Variants in NSMAF observed in about 807,000 individuals in gnomAD.
NSMAF encodes neutral sphingomyelinase activation associated factor, also known as protein FAN.
NSMAF carries 90 observed loss-of-function variants against 134.9 expected under a neutral mutation model. That is an observed-to-expected ratio of 0.67 (90% confidence interval 0.56 to 0.79). The LOEUF is 0.79. Among genes scored for constraint, NSMAF ranks in the 30% least tolerant of loss-of-function variants. The pLI, the probability that NSMAF is intolerant of heterozygous loss-of-function variation, is 0.00. For synonymous variants in NSMAF, 358 were observed against 389.6 expected, an observed-to-expected ratio of 0.92 and a Z score of 0.96; for missense variants, 1,010 against 1,119.0, an observed-to-expected ratio of 0.90 and a Z score of 1.39.
chr8:58,600,279 C>T (rs1002379434), intron 16 of NSMAF: 4 of 442,192 alleles, frequency 9.0e-6, no homozygotes, highest in African/African-American at 4.0e-5. Flanking sequence ...CTACCATATA[C>T]ACATTGCCTC....
intron 19 of NSMAF, among the ~76,000 whole-genome samples, chr8:58,598,812 C>G (rs1806202721): frequency 6.6e-6 from 1 of 150,984 alleles, no homozygotes; most frequent in Non-Finnish European, 1.5e-5. Flanking sequence ...CACCTGAGGT[C>G]AGGAGTTTGA....
chr8:58,602,905 G>A (rs1289611008), intron 13 of NSMAF, among the ~76,000 whole-genome samples: 3 of 152,128 alleles, frequency 2.0e-5, no homozygotes, highest in Non-Finnish European at 2.9e-5. Context: ...AAAGTGAGAA[G>A]CAAATATTTC....
intron 1 of NSMAF, among the ~76,000 whole-genome samples, chr8:58,651,011 A>G (rs974736390): frequency 2.6e-5 from 4 of 151,992 alleles, no homozygotes; most frequent in African/African-American, 7.3e-5. Context: ...GTTCTCTGGG[A>G]TTTTTTCCTG....
At chr8:58,595,494 C>T in intron 22 of NSMAF, 66 bp downstream of exon 22, 2 of 1,115,728 alleles carry the variant, frequency 1.8e-6, no homozygotes, top group East Asian at 2.4e-5. Context: ...ACAGTTTAAT[C>T]CCATGCCAAG....
At chr8:58,639,279 G>A (rs1011528712) in intron 2 of NSMAF, among the ~76,000 whole-genome samples, 8 of 143,624 alleles carry the variant, frequency 5.6e-5, no homozygotes, top group East Asian at 4.0e-4. Flanking sequence ...GTGAGACTCC[G>A]TCTCAATAAA....
chr8:58,600,322 C>T (rs1806250029), intron 16 of NSMAF: 2 of 337,378 alleles, frequency 5.9e-6, no homozygotes, highest in Admixed American at 4.6e-5. Flanking sequence ...GGTGCCTCCA[C>T]ACTGAAAGAT....
chr8:58,659,096 T>C (rs1807791297), intron 1 of NSMAF: 2 of 785,012 alleles, frequency 2.5e-6, no homozygotes, highest in Non-Finnish European at 3.5e-6. Flanking sequence ...GCCTGCTCGG[T>C]GCCGCCCGGC....
chr8:58,602,330 C>A (rs1806303633), intron 13 of NSMAF, among the ~76,000 whole-genome samples, 193 bp from the exon 14 acceptor site: 1 of 152,126 alleles, frequency 6.6e-6, no homozygotes, highest in Admixed American at 6.5e-5. Context: ...AAGTTAGACA[C>A]AACCACTTAA....
intron 1 of NSMAF, among the ~76,000 whole-genome samples, chr8:58,644,878 G>A (rs1807409903): frequency 1.3e-5 from 2 of 152,030 alleles, no homozygotes; most frequent in Admixed American, 1.3e-4. Flanking sequence ...ACCAAGCACC[G>A]CCATGTTCTC....
At position 58,589,917 on chromosome 8, in the gene NSMAF, C is replaced by A. The variant is rs1805983459; in HGVS notation, c.2087+90G>T. 4 of 1,052,916 alleles carry A rather than the reference C, an allele frequency of 3.8e-6. No homozygotes were observed. In the South Asian group the frequency reaches 4.1e-5, roughly 11 times the overall value. The allele number at this position is 1,052,916 out of a possible 1,614,324, so 65.2% of individuals were successfully genotyped here. A position where few individuals can be genotyped will look rare whatever the true frequency, so the allele number is the denominator to read the frequency against. On this transcript the variant is annotated intron_variant, in intron 25 of 30. Coordinates refer to ENST00000038176, the MANE Select transcript of NSMAF (RefSeq NM_003580.4). ...TTTAGAAAACAGTGCTGTGTCCTGG[C>A]AGGGAAAGCTTCTGGCTTTTCACAC... is the stretch of plus-strand genomic sequence containing the variant.
At chr8:58,626,257 G>A (rs967749743) in intron 6 of NSMAF, among the ~76,000 whole-genome samples, 10 of 147,556 alleles carry the variant, frequency 6.8e-5, no homozygotes, top group Non-Finnish European at 9.0e-5. Context: ...TGCCTCGCCC[G>A]GCTAATTTTT....
chr8:58,605,997 G>A lies in NSMAF; in HGVS notation c.798C>T (p.Ser266=), dbSNP rs182512606. 24 of 1,594,410 alleles carry A rather than the reference G, an allele frequency of 1.5e-5. No individual in the cohort carries two copies. Among genetic ancestry groups the A allele is most frequent in the African/African-American group, 5.4e-5 (4 of 73,656 alleles). The change falls in exon 12 of 31, where the codon TCC becomes TCT. Residue 266 remains serine (S), a synonymous_variant. Coordinates refer to ENST00000038176, the MANE Select transcript of NSMAF (RefSeq NM_003580.4). ...EVFCTEDDLC[S]DIYLKFYEPQ... is the part of the protein sequence containing the mutation. ...GTTCATAGAACTTTAGGTAGATGTCGGAACACAGATCATCTTCTGTGCAAA... is the reference window on the plus strand; with the variant it reads ...GTTCATAGAACTTTAGGTAGATGTCAGAACACAGATCATCTTCTGTGCAAA...
intron 7 of NSMAF, 56 bp from the exon 8 acceptor site, chr8:58,623,480 T>C: frequency 6.5e-7 from 1 of 1,536,462 alleles, no homozygotes; most frequent in Non-Finnish European, 9.0e-7. Context: ...ATATGAAGTA[T>C]TTCTTTAGAA....
intron 14 of NSMAF, 115 bp downstream of exon 14, chr8:58,601,943 G>T (rs780708091): frequency 9.3e-6 from 7 of 755,702 alleles, no homozygotes; most frequent in Non-Finnish European, 1.5e-5. Context: ...AAAACTCTAC[G>T]TAGAGTCACT....
chr8:58,638,840 G>T (rs1037871482), intron 2 of NSMAF, among the ~76,000 whole-genome samples: 8 of 152,092 alleles, frequency 5.3e-5, no homozygotes, highest in Non-Finnish European at 4.4e-5. Context: ...GACAACCTAC[G>T]GAATGGGAGA....
At chr8:58,586,389 T>G in intron 28 of NSMAF, 69 bp downstream of exon 28, 2 of 1,384,672 alleles carry the variant, frequency 1.4e-6, no homozygotes, top group Non-Finnish European at 1.0e-6. Context: ...ATTTCAAAAT[T>G]AACAATATTG....
rs1805817834 is a variant in NSMAF at position 58,583,612 on chromosome 8, G to T, written c.*494C>A. The T allele has an allele frequency of 6.1e-6, 1 of 163,630 alleles. No homozygotes were observed. The highest frequency in any genetic ancestry group is 6.4e-5 in the Admixed American group (1 of 15,602). 10.1% of individuals were successfully genotyped at this position (163,630 alleles called of 1,614,324 possible). A position where few individuals can be genotyped will look rare whatever the true frequency, so the allele number is the denominator to read the frequency against. On this transcript the variant is annotated 3_prime_UTR_variant, in exon 31 of 31. Transcript: ENST00000038176. Reference sequence around the variant, plus strand: ...ACTAAGAACTGCTAATCCTTCTCCAGGTTCTTAGAATCTGGGTACAGCATT... The same window carrying T: ...ACTAAGAACTGCTAATCCTTCTCCATGTTCTTAGAATCTGGGTACAGCATT...
chr8:58,636,163 T>C (rs1807168972), intron 2 of NSMAF, among the ~76,000 whole-genome samples: 2 of 152,218 alleles, frequency 1.3e-5, no homozygotes, highest in African/African-American at 2.4e-5. Context: ...TCTAAACATA[T>C]ACAAATAGAA....
chr8:58,654,152 G>T (rs1807648647), intron 1 of NSMAF, among the ~76,000 whole-genome samples: 1 of 152,150 alleles, frequency 6.6e-6, no homozygotes, highest in African/African-American at 2.4e-5. Context: ...TCAACACCTG[G>T]TATATCCCAC....
Sources: allele counts gnomAD v4.1 joint callset (sites outside exome capture counted in the v4.1 genomes callset), GRCh38; gene constraint gnomAD v4.1.1; transcripts MANE v1.5; gene names NCBI Gene and HGNC (gene_info 2026-07-23, HGNC 2026-07-21).